Variants in STARD13 observed in about 807,000 individuals in gnomAD.
The protein encoded by STARD13 is StAR related lipid transfer domain containing 13.
A neutral mutation model predicts 106.4 loss-of-function variants in STARD13; 62 were observed. The observed-to-expected ratio is 0.58, with a 90% CI of 0.48 to 0.72. The LOEUF (loss-of-function observed/expected upper bound fraction) is 0.72. STARD13 is among the 30% of genes least tolerant of loss of function. The pLI is 0.00. For missense variants in STARD13, 1,387 were observed against 1,424.0 expected, an observed-to-expected ratio of 0.97 and a Z score of 0.42; for synonymous variants, 565 against 553.0, an observed-to-expected ratio of 1.02 and a Z score of -0.31.
At chr13:33,300,547 C>A (rs533092629) in intron 1 of STARD13, among the ~76,000 whole-genome samples, 5 of 152,274 alleles carry the variant, frequency 3.3e-5, no homozygotes, top group African/African-American at 1.2e-4. Flanking sequence ...ATCAGTCCAA[C>A]CTTGTTCATT....
At chr13:33,603,404 G>T in the STARD13 span, among the ~76,000 whole-genome samples, 1 of 152,170 alleles carries the variant, frequency 6.6e-6, no homozygotes, top group Non-Finnish European at 1.5e-5. Flanking sequence ...GTAACAGAAG[G>T]CTGGAACTGA....
At chr13:33,163,965 C>T (rs1394448275) in intron 3 of STARD13, among the ~76,000 whole-genome samples, 3 of 151,926 alleles carry the variant, frequency 2.0e-5, no homozygotes, top group Non-Finnish European at 2.9e-5. Context: ...CTCCTGCTTG[C>T]TGTGTACCTT....
chr13:33,129,861 G>A lies in STARD13; in HGVS notation c.816C>T (p.His272=), dbSNP rs770506576. The A allele has an allele frequency of 8.1e-6, 13 of 1,612,722 alleles. No individual in the cohort carries two copies. The highest frequency in any genetic ancestry group is 1.6e-4 in the Middle Eastern group (1 of 6,084). Residue 272 remains histidine, a synonymous_variant, in exon 5 of 14, where the codon CAC becomes CAT. Transcript: ENST00000336934. The part of the protein sequence containing the change: ...RMETLRGKGA[H]GRHKGSGRTG... ...TCCGCCCAGACCCCTTATGCCTCCCGTGGGCTCCCTTCCCTCGGAGTGTTT... is the reference window on the plus strand; with the variant it reads ...TCCGCCCAGACCCCTTATGCCTCCCATGGGCTCCCTTCCCTCGGAGTGTTT...
At chr13:33,226,834 G>A (rs1888651246) in intron 1 of STARD13, among the ~76,000 whole-genome samples, 1 of 152,160 alleles carries the variant, frequency 6.6e-6, no homozygotes, top group Admixed American at 6.6e-5. Flanking sequence ...CGATGTTTAG[G>A]TAAAAAGTCT....
chr13:33,252,658 G>A (rs1391090834), intron 1 of STARD13, among the ~76,000 whole-genome samples: 2 of 152,176 alleles, frequency 1.3e-5, no homozygotes, highest in African/African-American at 4.8e-5. Flanking sequence ...CTTGAATTAC[G>A]GAAGAATTGC....
At chr13:33,529,889 T>A in the STARD13 span, among the ~76,000 whole-genome samples, 1 of 152,218 alleles carries the variant, frequency 6.6e-6, no homozygotes, top group South Asian at 2.1e-4. Flanking sequence ...AAATGATCTG[T>A]AGAAGGTAAA....
chr13:33,597,213 T>C, the STARD13 span, among the ~76,000 whole-genome samples: 2 of 152,228 alleles, frequency 1.3e-5, no homozygotes, highest in South Asian at 4.1e-4. Flanking sequence ...TTCCTGTCTT[T>C]TTGACAATAG....
At chr13:33,550,564 C>T in the STARD13 span, among the ~76,000 whole-genome samples, 1 of 152,138 alleles carries the variant, frequency 6.6e-6, no homozygotes, top group Admixed American at 6.5e-5. Flanking sequence ...GAATATCTCC[C>T]TTGCTTCATG....
the STARD13 span, among the ~76,000 whole-genome samples, chr13:33,385,844 C>CT: frequency 7.8e-6 from 1 of 128,790 alleles, no homozygotes; most frequent in African/African-American, 3.0e-5. Flanking sequence ...GAGCAAGACT[C>CT]TGTCTCAAAA....
At chr13:33,331,107 G>A (rs964263684) in intron 1 of STARD13, among the ~76,000 whole-genome samples, 2 of 149,304 alleles carry the variant, frequency 1.3e-5, no homozygotes, top group African/African-American at 2.5e-5. Flanking sequence ...AGCTTTGCAA[G>A]CTCCTCATCT....
chr13:33,379,303 C>A, the STARD13 span, among the ~76,000 whole-genome samples: 1 of 152,072 alleles, frequency 6.6e-6, no homozygotes, highest in Non-Finnish European at 1.5e-5. Context: ...TAAAAATACA[C>A]CCTATAGTAT....
chr13:33,153,713 G>A (rs759679959), intron 3 of STARD13, among the ~76,000 whole-genome samples: 1 of 152,208 alleles, frequency 6.6e-6, no homozygotes, highest in Non-Finnish European at 1.5e-5. Flanking sequence ...GAAGTCTCTC[G>A]TGTTGATTTA....
chr13:33,323,347 A>G (rs544503843), intron 1 of STARD13, among the ~76,000 whole-genome samples: 1 of 152,288 alleles, frequency 6.6e-6, no homozygotes, highest in East Asian at 1.9e-4. Context: ...CTCAAACGCT[A>G]TTCCTCAAGG....
At chr13:33,614,698 G>A in the STARD13 span, among the ~76,000 whole-genome samples, 2 of 152,232 alleles carry the variant, frequency 1.3e-5, no homozygotes, top group Non-Finnish European at 2.9e-5. Context: ...TGTTTGACCT[G>A]TGATTTTCAA....
chr13:33,401,195 A>G, the STARD13 span, among the ~76,000 whole-genome samples: 1 of 152,224 alleles, frequency 6.6e-6, no homozygotes, highest in African/African-American at 2.4e-5. Flanking sequence ...TTGCATTTTC[A>G]GGATCTCAGA....
At chr13:33,178,578 T>G (rs1884935772) in intron 1 of STARD13, among the ~76,000 whole-genome samples, 1 of 152,222 alleles carries the variant, frequency 6.6e-6, no homozygotes, top group Non-Finnish European at 1.5e-5. Context: ...TGTGTTTAAA[T>G]GATGCTACAG....
At chr13:33,513,045 G>C in the STARD13 span, among the ~76,000 whole-genome samples, 392 of 152,280 alleles carry the variant, frequency 2.6e-3, 2 homozygotes, top group African/African-American at 9.1e-3. Flanking sequence ...ATTGTCTACA[G>C]CTGCTCTCAT....
At chr13:33,529,787 G>T in the STARD13 span, among the ~76,000 whole-genome samples, 1 of 152,118 alleles carries the variant, frequency 6.6e-6, no homozygotes, top group African/African-American at 2.4e-5. Context: ...GGAATCCAAA[G>T]GCATGAAAGC....
At chr13:33,240,663 T>C (rs1161243498) in intron 1 of STARD13, among the ~76,000 whole-genome samples, 2 of 151,946 alleles carry the variant, frequency 1.3e-5, no homozygotes, top group Admixed American at 6.5e-5. Context: ...AAGTATTTTA[T>C]CCTTAAGTAT....
Sources: allele counts gnomAD v4.1 joint callset (sites outside exome capture counted in the v4.1 genomes callset), GRCh38; gene constraint gnomAD v4.1.1; transcripts MANE v1.5; gene names NCBI Gene and HGNC (gene_info 2026-07-23, HGNC 2026-07-21).